The following MAP2 variants were observed in gnomAD, a reference collection of about 807,000 sequenced individuals.
MAP2 encodes the protein microtubule associated protein 2.
Under a neutral mutation model 137.6 loss-of-function variants are expected in MAP2, and 14 were observed. The ratio of observed to expected loss-of-function variants is 0.10; its 90% CI spans 0.07 to 0.16. The LOEUF (loss-of-function observed/expected upper bound fraction) is 0.16. Among genes scored for constraint, MAP2 ranks in the 10% least tolerant of loss-of-function variants. MAP2 has a pLI of 1.00. For missense variants in MAP2, 2,088 were observed against 2,191.5 expected (o/e 0.95, Z 0.94); for synonymous variants, 786 against 782.3 (o/e 1.00, Z -0.08).
At chr2:209,639,152 G>A (rs887906140) in intron 4 of MAP2, among the ~76,000 whole-genome samples, 5 of 152,012 alleles carry the variant, frequency 3.3e-5, no homozygotes, top group Non-Finnish European at 7.4e-5. Flanking sequence ...TTACAGGCAT[G>A]AACCACCATG....
intron 3 of MAP2, among the ~76,000 whole-genome samples, chr2:209,598,909 C>T (rs776959875): frequency 0.021 from 3,240 of 151,346 alleles, 38 homozygotes; most frequent in Non-Finnish European, 0.034. Flanking sequence ...AATAAACATA[C>T]GTGTGCATGT....
intron 5 of MAP2, among the ~76,000 whole-genome samples, chr2:209,662,481 T>G (rs2044118889): frequency 6.6e-6 from 1 of 152,208 alleles, no homozygotes. Flanking sequence ...CTAGTTTGTT[T>G]TTAAGTGCAA....
intron 1 of MAP2, among the ~76,000 whole-genome samples, chr2:209,473,312 A>C (rs1242510366): frequency 6.6e-6 from 1 of 152,134 alleles, no homozygotes; most frequent in Non-Finnish European, 1.5e-5. Context: ...CTTTCTACTC[A>C]GTGACTTTTA....
At chr2:209,445,611 G>C (rs553830563) in intron 1 of MAP2, among the ~76,000 whole-genome samples, 1 of 151,736 alleles carries the variant, frequency 6.6e-6, no homozygotes, top group Middle Eastern at 3.4e-3. Flanking sequence ...TGTATTAAGA[G>C]TAAGATGTCA....
chr2:209,644,610 G>T (rs1010454807), intron 4 of MAP2, among the ~76,000 whole-genome samples: 3 of 149,430 alleles, frequency 2.0e-5, no homozygotes, highest in Non-Finnish European at 4.4e-5. Flanking sequence ...GGTGGAGGTT[G>T]CAGTGAGCCA....
chr2:209,687,997 C>A (rs2057619475), intron 7 of MAP2, among the ~76,000 whole-genome samples: 1 of 152,224 alleles, frequency 6.6e-6, no homozygotes, highest in East Asian at 1.9e-4. Flanking sequence ...CTCCTCCGCC[C>A]CGGCCTACAG....
chr2:209,725,780 C>G lies in MAP2; in HGVS notation c.5145C>G (p.Arg1715=), dbSNP rs567120316. 3 of 1,592,804 alleles carry G rather than the reference C, an allele frequency of 1.9e-6. No individual in the cohort carries two copies. Among genetic ancestry groups the G allele is most frequent in the Non-Finnish European group, 2.6e-6 (3 of 1,169,294 alleles). ...AATGTGGCTCTCTGAAGAACATCCG[C>G]CACAGGCCAGGTAAATAAATAATTT... ...TSKCGSLKNI[R]HRPGGGRVKI... The change falls in exon 14 of 16, where the codon CGC becomes CGG. Residue 1715 remains arginine, a synonymous_variant. Transcript: ENST00000682079.
At chr2:209,443,668 T>G (rs1035974554) in intron 1 of MAP2, among the ~76,000 whole-genome samples, 1 of 151,660 alleles carries the variant, frequency 6.6e-6, no homozygotes, top group Non-Finnish European at 1.5e-5. Flanking sequence ...TGGGGATAGT[T>G]TATTTCCCAA....
At chr2:209,606,251 C>T (rs1559396633) in intron 3 of MAP2, among the ~76,000 whole-genome samples, 2 of 152,012 alleles carry the variant, frequency 1.3e-5, no homozygotes, top group African/African-American at 4.8e-5. Flanking sequence ...TACTTGAAGA[C>T]TGTTTCTAAA....
intron 7 of MAP2, among the ~76,000 whole-genome samples, chr2:209,686,914 G>C (rs2057217143): frequency 6.6e-6 from 1 of 152,024 alleles, no homozygotes; most frequent in African/African-American, 2.4e-5. Flanking sequence ...TTGTATCTCT[G>C]CTAAGCTTTC....
At chr2:209,527,748 T>A (rs2064293911) in intron 2 of MAP2, among the ~76,000 whole-genome samples, 1 of 152,112 alleles carries the variant, frequency 6.6e-6, no homozygotes, top group African/African-American at 2.4e-5. Context: ...CAGCATCACA[T>A]GGGTACTTGT....
chr2:209,524,096 G>T (rs779930811), intron 2 of MAP2, among the ~76,000 whole-genome samples: 22 of 152,006 alleles, frequency 1.4e-4, no homozygotes, highest in Non-Finnish European at 2.6e-4. Context: ...ACATATTGTG[G>T]TATGAGTAAA....
intron 1 of MAP2, among the ~76,000 whole-genome samples, chr2:209,433,829 T>A (rs1039348163): frequency 6.6e-6 from 1 of 151,970 alleles, no homozygotes; most frequent in African/African-American, 2.4e-5. Flanking sequence ...GTAGTCTCTT[T>A]GTACCCCAAA....
chr2:209,684,941 C>A lies in MAP2; in HGVS notation c.454+4114C>A, dbSNP rs181184654. ...TAAATGAGGGGAAAGAACAGAGGTA[C>A]CTGACAACTTGTCTGAGTACACTGA... is the stretch of plus-strand genomic sequence containing the variant. On this transcript the variant is annotated intron_variant, in intron 7 of 15. Coordinates refer to ENST00000682079, the MANE Select transcript of MAP2 (RefSeq NM_001375505.1). 1.3e-3 allele frequency among the ~76,000 whole-genome samples: 203 copies of A among 151,860 alleles called. 1 individual carries two copies. The highest frequency in any genetic ancestry group is 2.3e-3 in the Non-Finnish European group (154 of 67,790).
chr2:209,612,160 C>T (rs2087146245), intron 3 of MAP2, among the ~76,000 whole-genome samples: 1 of 152,138 alleles, frequency 6.6e-6, no homozygotes, highest in African/African-American at 2.4e-5. Context: ...AATAAAACTG[C>T]TGAATTTAAA....
chr2:209,509,068 T>C (rs2061425375), intron 2 of MAP2, among the ~76,000 whole-genome samples: 1 of 152,000 alleles, frequency 6.6e-6, no homozygotes, highest in South Asian at 2.1e-4. Context: ...TAAATAAATC[T>C]GTATGAGAGG....
rs924299520 is a variant in MAP2 at position 209,424,065 on chromosome 2, G to C, written c.-433G>C. The stretch of plus-strand genomic sequence containing the variant: ...CGCTCTCAGTCTGGGGCGGGCGCTC[G>C]GGCTGCGCGGGCTCTGGGCAGCAGC... On this transcript the variant is annotated 5_prime_UTR_variant, in exon 1 of 16. Coordinates refer to ENST00000682079, the MANE Select transcript of MAP2 (RefSeq NM_001375505.1). The C allele has an allele frequency of 6.3e-6, 1 of 157,926 alleles. No homozygotes were observed. The highest frequency in any genetic ancestry group is 2.4e-5 in the African/African-American group (1 of 41,510). 9.8% of individuals were successfully genotyped at this position (157,926 alleles called of 1,614,324 possible). A position where few individuals can be genotyped will look rare whatever the true frequency, so the allele number is the denominator to read the frequency against.
intron 11 of MAP2, among the ~76,000 whole-genome samples, chr2:209,704,186 C>T (rs940165683): frequency 1.3e-5 from 2 of 152,030 alleles, no homozygotes; most frequent in East Asian, 1.9e-4. Flanking sequence ...CATTGTTTAG[C>T]TCCCACTTAT....
intron 6 of MAP2, 25 bp from the exon 7 acceptor site, chr2:209,680,725 C>T: frequency 6.3e-7 from 1 of 1,599,118 alleles, no homozygotes; most frequent in Non-Finnish European, 8.6e-7. Flanking sequence ...TATTGCATCT[C>T]ATTTTTCTAT....
Sources: allele counts gnomAD v4.1 joint callset (sites outside exome capture counted in the v4.1 genomes callset), GRCh38; gene constraint gnomAD v4.1.1; transcripts MANE v1.5; gene names NCBI Gene and HGNC (gene_info 2026-07-23, HGNC 2026-07-21).